Variants in KIFAP3 observed in about 807,000 individuals in gnomAD.
KIFAP3 encodes kinesin-associated protein 3.
Under a neutral mutation model 106.5 loss-of-function variants are expected in KIFAP3, and 68 were observed. That is an observed-to-expected ratio of 0.64 (90% CI 0.53 to 0.78). KIFAP3 has a LOEUF of 0.78. Among genes scored for constraint, KIFAP3 ranks in the 30% least tolerant of loss-of-function variants. KIFAP3 has a pLI of 0.00. For missense variants in KIFAP3, 780 were observed against 941.8 expected, an observed-to-expected ratio of 0.83 and a Z score of 2.25; for synonymous variants, 320 against 311.5, an observed-to-expected ratio of 1.03 and a Z score of -0.29.
chr1:170,046,971 G>T, intron 2 of KIFAP3, 105 bp from the exon 3 acceptor site: 1 of 571,710 alleles, frequency 1.7e-6, no homozygotes, highest in Non-Finnish European at 2.7e-6. Flanking sequence ...TAGAGAACCT[G>T]GCCATAGACT....
At position 170,031,813 on chromosome 1, in the gene KIFAP3, A is replaced by AT; in HGVS notation, c.841+72dup. ...TTCTCACATTAGCTTTACAGGTATG[A>AT]TAAAAAGTGAACAAAACAAATGTAT... On this transcript the variant is annotated intron_variant, in intron 8 of 19. Coordinates refer to ENST00000361580, the MANE Select transcript of KIFAP3 (RefSeq NM_014970.4). 5.4e-6 allele frequency: 5 copies of AT among 931,192 alleles called. No homozygotes were observed. The South Asian group carries it at 7.8e-5, about 14-fold the overall frequency. 57.7% of individuals were successfully genotyped at this position (931,192 alleles called of 1,614,324 possible). A position where few individuals can be genotyped will look rare whatever the true frequency, so the allele number is the denominator to read the frequency against.
chr1:170,011,334 C>T (rs1016575006), intron 10 of KIFAP3, among the ~76,000 whole-genome samples: 5 of 151,888 alleles, frequency 3.3e-5, no homozygotes, highest in African/African-American at 1.2e-4. Context: ...CACTATCTTT[C>T]ATCAAACCAA....
intron 1 of KIFAP3, among the ~76,000 whole-genome samples, chr1:170,059,827 T>C (rs1671044069): frequency 6.6e-6 from 1 of 152,332 alleles, no homozygotes; most frequent in South Asian, 2.1e-4. Context: ...CATGATCAAG[T>C]GGGCTTCACC....
At chr1:170,051,463 G>A (rs1009424035) in intron 2 of KIFAP3, among the ~76,000 whole-genome samples, 3 of 152,170 alleles carry the variant, frequency 2.0e-5, no homozygotes, top group Non-Finnish European at 4.4e-5. Context: ...AGGATATTCA[G>A]GACTTGAACT....
At chr1:169,922,749 G>A (rs1309763839) in intron 19 of KIFAP3, among the ~76,000 whole-genome samples, 1 of 152,146 alleles carries the variant, frequency 6.6e-6, no homozygotes, top group Non-Finnish European at 1.5e-5. Context: ...CATTTGTAAT[G>A]CAGAAATGTA....
chr1:169,966,314 A>T (rs771324709), intron 17 of KIFAP3, among the ~76,000 whole-genome samples: 6 of 151,814 alleles, frequency 4.0e-5, no homozygotes, highest in Non-Finnish European at 7.4e-5. Context: ...TAGGATATTG[A>T]AAATTATATC....
chr1:169,972,570 C>A lies in KIFAP3; in HGVS notation c.1926G>T (p.Met642Ile). ...TTCGGATTTCATTATTCTTATCATG[C>A]ATTAGGTCTATGAGATATGCTGGAG... The part of the protein sequence containing the change: ...TQAPAYLIDL[M>I]HDKNNEIRKV... Residue 642 changes from methionine (M) to isoleucine (I), a missense_variant, in exon 17 of 20, where the codon ATG (methionine) becomes ATT (isoleucine). Met to Ile is a conservative substitution (Grantham distance 10). Around this residue, in one of 3 missense-constraint regions of KIFAP3, gnomAD observed 78 missense variants for 140.6 expected, o/e 0.55. Transcript: ENST00000361580. 1 of 1,571,862 alleles carries A rather than the reference C, an allele frequency of 6.4e-7. No homozygotes were observed. Among genetic ancestry groups the A allele is most frequent in the Non-Finnish European group, 8.7e-7 (1 of 1,145,944 alleles).
At chr1:170,074,847 G>T, upstream of KIFAP3, 1 of 737,978 alleles carries the variant, frequency 1.4e-6, no homozygotes, top group Non-Finnish European at 1.8e-6. Context: ...GAGTGGCTCC[G>T]TAGTCACCGC....
chr1:170,076,250 C>T (rs531723899), upstream of KIFAP3, among the ~76,000 whole-genome samples: 1 of 151,974 alleles, frequency 6.6e-6, no homozygotes, highest in East Asian at 1.9e-4. Context: ...AAAGAAAATG[C>T]CCAGAGGCCA....
At chr1:170,001,166 C>T (rs1307029890) in intron 10 of KIFAP3, among the ~76,000 whole-genome samples, 2 of 151,966 alleles carry the variant, frequency 1.3e-5, no homozygotes, top group East Asian at 3.8e-4. Flanking sequence ...TTTATTACAT[C>T]CATAGAATAC....
At chr1:169,978,331 G>A (rs901902055) in intron 15 of KIFAP3, 148 bp from the exon 16 acceptor site, 2 of 555,606 alleles carry the variant, frequency 3.6e-6, no homozygotes, top group Non-Finnish European at 3.2e-6. Flanking sequence ...TGTTCCTAAT[G>A]TAAAATAGTA....
Position 169,937,933 on chromosome 1 carries a change from A to G in KIFAP3, c.2273+16078T>C, listed in dbSNP as rs181728395. Reference sequence around the variant, plus strand: ...CTACTGATCTTTCTCCATGAAAAATATAACTCCAAGAAAATAATTATTTTG... The same window carrying G: ...CTACTGATCTTTCTCCATGAAAAATGTAACTCCAAGAAAATAATTATTTTG... On this transcript the variant is annotated intron_variant, in intron 19 of 19. Transcript: ENST00000361580. 2.6e-3 allele frequency among the ~76,000 whole-genome samples: 389 copies of G among 152,032 alleles called. 11 individuals are homozygous for G. The highest frequency in any genetic ancestry group is 0.022 in the Admixed American group (343 of 15,258).
chr1:170,039,067 C>A (rs1046357704), intron 4 of KIFAP3, among the ~76,000 whole-genome samples, 166 bp downstream of exon 4: 1 of 152,190 alleles, frequency 6.6e-6, no homozygotes, highest in African/African-American at 2.4e-5. Context: ...AATACTTTTT[C>A]TCTTTTTCAA....
intron 13 of KIFAP3, 110 bp downstream of exon 13, chr1:169,983,160 A>T: frequency 1.5e-6 from 1 of 681,734 alleles, no homozygotes. Flanking sequence ...ACATAAGAGC[A>T]ATTTGGATTA....
At position 170,041,734 on chromosome 1, in the gene KIFAP3, G is replaced by A. The variant is rs761820605; in HGVS notation, c.320-2446C>T. The stretch of plus-strand genomic sequence containing the variant: ...GTTTCTGAATCTGAAAGACTTCTCC[G>A]GTAAGTGTTGCCAAGGGCAATCGAC... On this transcript the variant is annotated intron_variant, in intron 3 of 19. Transcript: ENST00000361580. 5.3e-5 allele frequency: 81 copies of A among 1,535,034 alleles called. No homozygotes were observed. The Middle Eastern group carries it at 8.4e-4, about 16-fold the overall frequency.
intron 15 of KIFAP3, among the ~76,000 whole-genome samples, chr1:169,979,695 C>T (rs115757913): frequency 0.018 from 2,788 of 152,174 alleles, 73 homozygotes; most frequent in African/African-American, 0.063. Flanking sequence ...TGAAAACCAG[C>T]AGAACTACAG....
At chr1:169,927,140 A>G (rs1037920862) in intron 19 of KIFAP3, among the ~76,000 whole-genome samples, 3 of 152,174 alleles carry the variant, frequency 2.0e-5, no homozygotes, top group African/African-American at 7.2e-5. Flanking sequence ...GTCTATTGTA[A>G]TAGTGACTCT....
chr1:169,933,438 T>A (rs1055755594), intron 19 of KIFAP3, among the ~76,000 whole-genome samples: 12 of 152,050 alleles, frequency 7.9e-5, no homozygotes, highest in African/African-American at 2.7e-4. Flanking sequence ...TATGGGTTTC[T>A]TTTTTAAAAA....
At chr1:170,016,720 ATC>A (rs1215342108) in intron 9 of KIFAP3, 96 bp from the exon 10 acceptor site, 4 of 688,358 alleles carry the variant, frequency 5.8e-6, no homozygotes, top group Middle Eastern at 4.1e-4. Context: ...CCTAATGTAT[ATC>A]TGTTTTATAA....
Sources: gnomAD v4.1 joint callset for allele counts (sites outside exome capture counted in the v4.1 genomes callset) on GRCh38, gnomAD v4.1.1 for gene constraint, gnomAD v4.1.1 regional missense constraint, MANE v1.5 for transcripts, NCBI Gene and HGNC (gene_info 2026-07-23, HGNC 2026-07-21) for gene names.